Variants in RAB3GAP2 observed in about 807,000 individuals in gnomAD.
RAB3GAP2 encodes the protein RAB3 GTPase activating non-catalytic protein subunit 2, also known as rab3 GTPase-activating protein non-catalytic subunit.
RAB3GAP2 carries 87 observed loss-of-function variants against 185.3 expected under a neutral mutation model. That is an observed-to-expected ratio of 0.47 (90% CI 0.39 to 0.56). The LOEUF (loss-of-function observed/expected upper bound fraction) is 0.56, where lower values mean the gene tolerates loss of function less well. RAB3GAP2 is among the 20% of genes least tolerant of loss of function. RAB3GAP2 has a pLI of 0.00. For synonymous variants in RAB3GAP2, 554 were observed against 576.1 expected (o/e 0.96, Z 0.55); for missense variants, 1,492 against 1,638.2 (o/e 0.91, Z 1.54).
chr1:220,182,942 G>GAAAAC lies in RAB3GAP2; in HGVS notation c.1999-16_1999-12dup, dbSNP rs764326258. Reference sequence around the variant, plus strand: ...TAACAGAGCCAAGTCCTTTAAAACAGAAAACAAAACAAAACAACATTCCAC... The same window carrying GAAAAC: ...TAACAGAGCCAAGTCCTTTAAAACAGAAAACAAAACAAAACAAAACAACATTCCAC... On this transcript the variant is annotated splice_polypyrimidine_tract_variant and intron_variant, in intron 19 of 34. Coordinates refer to ENST00000358951, the MANE Select transcript of RAB3GAP2 (RefSeq NM_012414.4). 2 of 1,597,298 alleles carry GAAAAC rather than the reference G, an allele frequency of 1.3e-6. No homozygotes were observed. Among genetic ancestry groups the GAAAAC allele is most frequent in the East Asian group, 2.2e-5 (1 of 44,680 alleles).
intron 8 of RAB3GAP2, among the ~76,000 whole-genome samples, chr1:220,205,043 C>T (rs1370626541): frequency 1.3e-5 from 2 of 151,974 alleles, no homozygotes; most frequent in Admixed American, 1.3e-4. Flanking sequence ...TGTATTTTCA[C>T]TGATTTTAAG....
chr1:220,193,355 G>A lies in RAB3GAP2; in HGVS notation c.1155C>T (p.Arg385=). The change falls in exon 13 of 35, where the codon CGC becomes CGT. Residue 385 remains arginine (R), a synonymous_variant. Coordinates refer to ENST00000358951, the MANE Select transcript of RAB3GAP2 (RefSeq NM_012414.4). ...GAGACAGACATATGCTTTCACCATG[G>A]CGTCTAGAATCTGGAAGTCCAAATC... is the stretch of plus-strand genomic sequence containing the variant. ...AVRFGLPDSR[R]HGESICLSPC... 6.2e-7 allele frequency: 1 copy of A among 1,613,808 alleles called. No homozygotes were observed. The highest frequency in any genetic ancestry group is 8.5e-7 in the Non-Finnish European group (1 of 1,179,920).
chr1:220,232,589 T>C (rs954555334), intron 2 of RAB3GAP2, among the ~76,000 whole-genome samples: 3 of 152,230 alleles, frequency 2.0e-5, no homozygotes, highest in Admixed American at 2.0e-4. Context: ...TATTCTGTTA[T>C]AGCAACACCA....
rs1657708466 is a variant in RAB3GAP2, at chr1:220,149,683, CTG to C, written c.*1566_*1567del. 6.6e-6 allele frequency: 1 copy of C among 152,190 alleles called. No homozygotes were observed. The highest frequency in any genetic ancestry group is 2.4e-5 in the African/African-American group (1 of 41,440). 9.4% of individuals were successfully genotyped at this position (152,190 alleles called of 1,614,324 possible). ...ACTAGCCCTTTCCAGTGCTGCTACT[CTG>C]TAAAATGTATGTCTCAATCAGACTC... On this transcript the variant is annotated 3_prime_UTR_variant, in exon 35 of 35. Coordinates refer to ENST00000358951, the MANE Select transcript of RAB3GAP2 (RefSeq NM_012414.4).
At chr1:220,154,335 A>G (rs1657818230) in intron 31 of RAB3GAP2, 2 of 362,826 alleles carry the variant, frequency 5.5e-6, no homozygotes, top group Non-Finnish European at 1.0e-5. Context: ...AAGCAGGTAG[A>G]GGTGATACAT....
chr1:220,196,359 G>T lies in RAB3GAP2; in HGVS notation c.851C>A (p.Ala284Asp), dbSNP rs1198841372. 6.2e-7 allele frequency: 1 copy of T among 1,607,180 alleles called. No homozygotes were observed. Among genetic ancestry groups the T allele is most frequent in the Non-Finnish European group, 8.5e-7 (1 of 1,174,016 alleles). Residue 284 changes from alanine to aspartate, a missense_variant, in exon 10 of 35, where the codon GCC (alanine) becomes GAC (aspartate). Transcript: ENST00000358951. ...TLSPFDQMKTASNIGGFNAAI... is the reference protein window; with the variant it reads ...TLSPFDQMKTDSNIGGFNAAI... ...TGCATTAAATCCACCTATATTGGAG[G>T]CAGTCTTCATTTGATCAAAGGGGGA... is the stretch of plus-strand genomic sequence containing the variant.
At chr1:220,254,952 C>CTTTTTTTTTT (rs59174009) in intron 1 of RAB3GAP2, among the ~76,000 whole-genome samples, 1 of 131,522 alleles carries the variant, frequency 7.6e-6, no homozygotes, top group Non-Finnish European at 1.7e-5. Context: ...TCCATTTGTG[C>CTTTTTTTTTT]TTTTTTTTTT....
At chr1:220,243,371 CATA>C (rs1473077186) in intron 1 of RAB3GAP2, among the ~76,000 whole-genome samples, 1 of 144,008 alleles carries the variant, frequency 6.9e-6, no homozygotes, top group Non-Finnish European at 1.5e-5. Context: ...AAAAAAAAAA[CATA>C]ATAATAAACA....
At chr1:220,218,740 T>A (rs200900351) in intron 2 of RAB3GAP2, among the ~76,000 whole-genome samples, 21 of 146,984 alleles carry the variant, frequency 1.4e-4, no homozygotes, top group South Asian at 4.3e-4. Flanking sequence ...AAGTATAATT[T>A]AAAAAAAAAA....
chr1:220,161,893 T>C (rs1341879441), intron 28 of RAB3GAP2, among the ~76,000 whole-genome samples: 1 of 152,210 alleles, frequency 6.6e-6, no homozygotes, highest in East Asian at 1.9e-4. Flanking sequence ...CATCAAAGAT[T>C]GGTAAGTGTA....
intron 2 of RAB3GAP2, among the ~76,000 whole-genome samples, chr1:220,223,370 G>A (rs532430090): frequency 6.6e-6 from 1 of 152,156 alleles, no homozygotes; most frequent in East Asian, 1.9e-4. Context: ...AGATTTAATA[G>A]CTAAAGTAAG....
Position 220,167,309 on chromosome 1 carries a change from C to T in RAB3GAP2, c.3071G>A (p.Trp1024Ter). 1 of 1,613,936 alleles carries T rather than the reference C, an allele frequency of 6.2e-7. No homozygotes were observed. Residue 1024 changes from tryptophan to a stop codon, truncating the protein, a stop_gained, in exon 26 of 35, where the codon TGG (tryptophan) becomes TAG (stop). Transcript: ENST00000358951. LOFTEE classifies it high-confidence loss of function. The stretch of plus-strand genomic sequence containing the variant: ...GAATCTTACCTCTGGATCTTTATTC[C>T]ACTGAACAACGTACTCCCAGCAGCA... ...AHCCWEYVVQ[W>*]NKDPEEARFF...
Position 220,171,888 on chromosome 1 carries a change from C to G in RAB3GAP2, c.2577+1G>C, listed in dbSNP as rs774214592. On this transcript the variant is annotated splice_donor_variant, in intron 23 of 34. Transcript: ENST00000358951. LOFTEE classifies it high-confidence loss of function. The stretch of plus-strand genomic sequence containing the variant: ...TCAAAGCCATACCTTTACCCACTTA[C>G]TTTTTTCTCTGTCATGTTGTTTGAT... 6.2e-7 allele frequency: 1 copy of G among 1,614,102 alleles called. No homozygotes were observed. The highest frequency in any genetic ancestry group is 2.2e-5 in the East Asian group (1 of 44,880).
chr1:220,174,591 C>T (rs1484010248), intron 21 of RAB3GAP2, among the ~76,000 whole-genome samples: 2 of 152,270 alleles, frequency 1.3e-5, no homozygotes, highest in African/African-American at 2.4e-5. Context: ...TGACTATAGT[C>T]ACCCTGTTGT....
chr1:220,223,620 C>T (rs1023902367), intron 2 of RAB3GAP2, among the ~76,000 whole-genome samples: 12 of 151,714 alleles, frequency 7.9e-5, no homozygotes, highest in Non-Finnish European at 1.5e-4. Flanking sequence ...AAGAGAAAAG[C>T]GCATTCATCT....
rs1659110684 is a variant in RAB3GAP2 at position 220,212,958 on chromosome 1, T to C, written c.315A>G (p.Lys105=). The C allele has an allele frequency of 1.2e-6, 2 of 1,610,410 alleles. No homozygotes were observed. Among genetic ancestry groups the C allele is most frequent in the Non-Finnish European group, 1.7e-6 (2 of 1,177,310 alleles). Reference sequence around the variant, plus strand: ...TTTCTTCCTTTCCTTTATCACTATATTTCCATTTTGCTGTAAGAATTAAGA... The same window carrying C: ...TTTCTTCCTTTCCTTTATCACTATACTTCCATTTTGCTGTAAGAATTAAGA... ...QKAVFLVPKW[K]YSDKGKEEMQ... The change falls in exon 4 of 35, where the codon AAA becomes AAG. Residue 105 remains lysine (K), a synonymous_variant. Coordinates refer to ENST00000358951, the MANE Select transcript of RAB3GAP2 (RefSeq NM_012414.4).
chr1:220,196,825 C>G (rs1013274375), intron 9 of RAB3GAP2, among the ~76,000 whole-genome samples: 1 of 151,214 alleles, frequency 6.6e-6, no homozygotes, highest in Non-Finnish European at 1.5e-5. Context: ...GGGCGAGACC[C>G]CATCTCAAAA....
At position 220,196,235 on chromosome 1, in the gene RAB3GAP2, T is replaced by A; in HGVS notation, c.960+15A>T. 6.2e-7 allele frequency: 1 copy of A among 1,611,008 alleles called. No homozygotes were observed. Among genetic ancestry groups the A allele is most frequent in the Non-Finnish European group, 8.5e-7 (1 of 1,177,336 alleles). ...CAAGAGCAGCCTTACTCATGATCATTGATAAAACTCATACCTCTAAAGCAT... is the reference window on the plus strand; with the variant it reads ...CAAGAGCAGCCTTACTCATGATCATAGATAAAACTCATACCTCTAAAGCAT... On this transcript the variant is annotated intron_variant, in intron 10 of 34. Transcript: ENST00000358951.
Position 220,172,627 on chromosome 1 carries a change from C to T in RAB3GAP2, c.2416+10G>A. The T allele has an allele frequency of 6.3e-7, 1 of 1,578,686 alleles. No individual in the cohort carries two copies. Among genetic ancestry groups the T allele is most frequent in the Non-Finnish European group, 8.7e-7 (1 of 1,147,730 alleles). Reference sequence around the variant, plus strand: ...AAACTTTGTTGACGAGAGCAACAAACTTTGTTTACCTTTCATCTTGCTCAG... The same window carrying T: ...AAACTTTGTTGACGAGAGCAACAAATTTTGTTTACCTTTCATCTTGCTCAG... On this transcript the variant is annotated intron_variant, in intron 22 of 34. Transcript: ENST00000358951.
Sources: allele counts gnomAD v4.1 joint callset (sites outside exome capture counted in the v4.1 genomes callset), GRCh38; gene constraint gnomAD v4.1.1; transcripts MANE v1.5; gene names NCBI Gene and HGNC (gene_info 2026-07-23, HGNC 2026-07-21).